The following CCDC138 variants were observed in gnomAD, a reference collection of about 807,000 sequenced individuals.
The protein encoded by CCDC138 is coiled-coil domain containing 138, also known as coiled-coil domain-containing protein 138.
A neutral mutation model predicts 82.3 loss-of-function variants in CCDC138; 66 were observed. The ratio of observed to expected loss-of-function variants is 0.80; its 90% CI spans 0.66 to 0.98. The LOEUF is 0.98. CCDC138 is among the 50% of genes least tolerant of loss of function. The probability of loss-of-function intolerance (pLI) is 0.00; values close to 1 mark genes in which losing one functional copy is unlikely to be tolerated. For synonymous variants in CCDC138, 297 were observed against 265.4 expected (o/e 1.12, Z -1.16); for missense variants, 816 against 758.9 (o/e 1.08, Z -0.88).
chr2:108,859,462 A>T (rs1418287175), intron 13 of CCDC138, among the ~76,000 whole-genome samples: 1 of 152,102 alleles, frequency 6.6e-6, no homozygotes, highest in Non-Finnish European at 1.5e-5. Context: ...GTTTGTCATA[A>T]ATTTTTTGCC....
chr2:108,805,182 G>T (rs1390148679), intron 7 of CCDC138, among the ~76,000 whole-genome samples, 174 bp downstream of exon 7: 2 of 151,830 alleles, frequency 1.3e-5, no homozygotes, highest in African/African-American at 4.8e-5. Context: ...TTAGCTCTTT[G>T]GTCTCTTCTC....
chr2:108,788,720 A>G (rs1390185620), intron 2 of CCDC138, 132 bp from the exon 3 acceptor site: 3 of 1,282,240 alleles, frequency 2.3e-6, no homozygotes, highest in Non-Finnish European at 3.1e-6. Flanking sequence ...ACTCCGTCTC[A>G]AAGAAAAAAA....
intron 10 of CCDC138, among the ~76,000 whole-genome samples, chr2:108,831,355 T>C (rs1687577882): frequency 6.6e-6 from 1 of 152,206 alleles, no homozygotes; most frequent in African/African-American, 2.4e-5. Context: ...TGAGGACCAT[T>C]GTTACTTTTT....
chr2:108,832,964 T>G (rs1195994268), intron 10 of CCDC138, among the ~76,000 whole-genome samples: 1 of 152,202 alleles, frequency 6.6e-6, no homozygotes, highest in East Asian at 1.9e-4. Context: ...GGGATCTATA[T>G]TTTACCATGG....
At chr2:108,857,066 CTTTTTTTTTTTTTTTTTTT>C (rs35540493) in intron 13 of CCDC138, 96 bp downstream of exon 13, 8 of 44,066 alleles carry the variant, frequency 1.8e-4, no homozygotes, top group South Asian at 9.6e-4. Context: ...GATACTATTG[CTTTTTTTTTTTTTTTTTTT>C]TTTTTTTTTT....
intron 2 of CCDC138, chr2:108,884,914 C>A (rs1327509167): frequency 6.6e-6 from 1 of 152,256 alleles, no homozygotes; most frequent in East Asian, 1.9e-4. Context: ...TTTTCAGCCC[C>A]TCCCCACTCC....
chr2:108,840,013 C>A (rs535044431), intron 11 of CCDC138, among the ~76,000 whole-genome samples: 1 of 151,974 alleles, frequency 6.6e-6, no homozygotes, highest in Admixed American at 6.6e-5. Flanking sequence ...TTCATAGATA[C>A]TTTCAATCAA....
chr2:108,797,905 A>C (rs1355186432), intron 5 of CCDC138, among the ~76,000 whole-genome samples: 1 of 151,960 alleles, frequency 6.6e-6, no homozygotes, highest in East Asian at 1.9e-4. Flanking sequence ...TGCATTGAGA[A>C]TCTAGTACAG....
At chr2:108,876,038 TA>T in intron 14 of CCDC138, 49 bp from the exon 15 acceptor site, 1 of 1,233,234 alleles carries the variant, frequency 8.1e-7, no homozygotes, top group Non-Finnish European at 1.2e-6. Flanking sequence ...TCATTGCAGA[TA>T]AACTCTCTAA....
At chr2:108,868,522 C>G (rs1312230305) in intron 13 of CCDC138, among the ~76,000 whole-genome samples, 1 of 152,196 alleles carries the variant, frequency 6.6e-6, no homozygotes. Context: ...TTCTACCTCA[C>G]CTGTCTCTCT....
intron 10 of CCDC138, among the ~76,000 whole-genome samples, chr2:108,825,428 C>T (rs1367668797): frequency 6.6e-6 from 1 of 151,606 alleles, no homozygotes; most frequent in African/African-American, 2.4e-5. Context: ...TATCTCCTCT[C>T]TCCAAAAAAA....
At chr2:108,803,761 A>G (rs1682383241) in intron 6 of CCDC138, among the ~76,000 whole-genome samples, 2 of 152,068 alleles carry the variant, frequency 1.3e-5, no homozygotes, top group Admixed American at 1.3e-4. Flanking sequence ...TTTTCTTTTC[A>G]CAGTTGTCAG....
chr2:108,815,580 C>G (rs1283639824), intron 9 of CCDC138, among the ~76,000 whole-genome samples: 3 of 151,248 alleles, frequency 2.0e-5, no homozygotes, highest in African/African-American at 4.9e-5. Flanking sequence ...ATTCTCCTCC[C>G]TCAGCCTTCC....
intron 11 of CCDC138, among the ~76,000 whole-genome samples, chr2:108,841,114 G>T (rs972448574): frequency 6.6e-6 from 1 of 152,104 alleles, no homozygotes; most frequent in Non-Finnish European, 1.5e-5. Context: ...GGGATTACAG[G>T]TGTGAGCCAC....
chr2:108,867,874 G>T (rs541575515), intron 13 of CCDC138, among the ~76,000 whole-genome samples: 1 of 152,174 alleles, frequency 6.6e-6, no homozygotes, highest in East Asian at 1.9e-4. Flanking sequence ...TTTTTGTCCC[G>T]TGTAATAAAT....
chr2:108,821,520 A>G (rs939222281), intron 10 of CCDC138, among the ~76,000 whole-genome samples: 1 of 152,240 alleles, frequency 6.6e-6, no homozygotes, highest in Non-Finnish European at 1.5e-5. Context: ...AATATACACA[A>G]AAGCAAATGA....
At chr2:108,843,879 T>TGTGTGTGTGTGTGTGTGTGTGTG (rs70956281) in intron 11 of CCDC138, among the ~76,000 whole-genome samples, 1 of 126,204 alleles carries the variant, frequency 7.9e-6, no homozygotes, top group Non-Finnish European at 1.7e-5. Context: ...TGTGTGTGTG[T>TGTGTGTGTGTGTGTGTGTGTGTG]TTCTTTCTTT....
In CCDC138 at chr2:108,875,954, GT is replaced by G. The variant is rs545661603; in HGVS notation, c.1833-132del. The G allele has an allele frequency of 1.1e-4, 61 of 573,566 alleles. No homozygotes were observed. In the African/African-American group the frequency reaches 1.1e-3, roughly 11 times the overall value. 35.5% of individuals were successfully genotyped at this position (573,566 alleles called of 1,614,324 possible). A position where few individuals can be genotyped will look rare whatever the true frequency, so the allele number is the denominator to read the frequency against. On this transcript the variant is annotated intron_variant, in intron 14 of 14. Coordinates refer to ENST00000295124, the MANE Select transcript of CCDC138 (RefSeq NM_144978.3). Reference sequence around the variant, plus strand: ...TTTGTTTCAGCATTCTAATCTTTTAGTTGCCTATTTTCTCCACTGTTTTTAA... The same window carrying G: ...TTTGTTTCAGCATTCTAATCTTTTAGTGCCTATTTTCTCCACTGTTTTTAA...
intron 13 of CCDC138, among the ~76,000 whole-genome samples, chr2:108,868,651 C>T (rs1389990497): frequency 6.6e-6 from 1 of 152,112 alleles, no homozygotes; most frequent in African/African-American, 2.4e-5. Context: ...CTGAGAGTTT[C>T]TGGGAAACCT....
Sources: gnomAD v4.1 joint callset for allele counts (sites outside exome capture counted in the v4.1 genomes callset) on GRCh38, gnomAD v4.1.1 for gene constraint, MANE v1.5 for transcripts, NCBI Gene and HGNC (gene_info 2026-07-23, HGNC 2026-07-21) for gene names.